Variants in CPS1 observed in about 807,000 individuals in gnomAD.
CPS1 encodes carbamoyl-phosphate synthase 1, also known as carbamoyl-phosphate synthase [ammonia], mitochondrial.
A neutral mutation model predicts 174.6 loss-of-function variants in CPS1; 109 were observed. The observed-to-expected ratio is 0.62, with a 90% confidence interval of 0.53 to 0.73. CPS1 has a LOEUF of 0.73. Among genes scored for constraint, CPS1 ranks in the 30% least tolerant of loss-of-function variants. CPS1 has a pLI of 0.00. For synonymous variants in CPS1, 637 were observed against 632.0 expected (o/e 1.01, Z -0.12); for missense variants, 1,689 against 1,821.9 (o/e 0.93, Z 1.33).
At chr2:210,588,456 A>G (rs2106104623) in intron 7 of CPS1, among the ~76,000 whole-genome samples, 1 of 152,116 alleles carries the variant, frequency 6.6e-6, no homozygotes, top group Middle Eastern at 3.4e-3. Context: ...TGTGGTATAG[A>G]GATGACCAAA....
chr2:210,566,941 G>T (rs576598726), intron 1 of CPS1, among the ~76,000 whole-genome samples: 2 of 152,098 alleles, frequency 1.3e-5, no homozygotes, highest in South Asian at 4.2e-4. Flanking sequence ...TTTGAAGTAA[G>T]ATACCTTTCC....
chr2:210,480,251 G>A (rs1349775558), intron 1 of CPS1, among the ~76,000 whole-genome samples: 5 of 152,170 alleles, frequency 3.3e-5, no homozygotes, highest in Admixed American at 3.3e-4. Context: ...GCACAGACCA[G>A]GAAGTGGGAT....
intron 33 of CPS1, among the ~76,000 whole-genome samples, chr2:210,667,774 T>C (rs1195142513): frequency 6.6e-6 from 1 of 152,168 alleles, no homozygotes; most frequent in Non-Finnish European, 1.5e-5. Flanking sequence ...ATAGTATATA[T>C]GACACATACT....
chr2:210,670,883 G>A (rs779186732), intron 34 of CPS1, among the ~76,000 whole-genome samples: 1 of 152,060 alleles, frequency 6.6e-6, no homozygotes, highest in Non-Finnish European at 1.5e-5. Context: ...CTTATAACTA[G>A]GACTTAGGAT....
chr2:210,504,737 G>C (rs1695232944), intron 1 of CPS1, among the ~76,000 whole-genome samples: 1 of 152,168 alleles, frequency 6.6e-6, no homozygotes, highest in African/African-American at 2.4e-5. Flanking sequence ...AGATTCAACA[G>C]ATGCTCCAAA....
chr2:210,665,588 T>G (rs555804787), intron 33 of CPS1, among the ~76,000 whole-genome samples: 19 of 151,820 alleles, frequency 1.3e-4, no homozygotes, highest in Admixed American at 1.2e-3. Flanking sequence ...TGGTTTTTTG[T>G]CCTTGCAATA....
chr2:210,511,261 C>T (rs991817839), intron 1 of CPS1, among the ~76,000 whole-genome samples: 22 of 152,066 alleles, frequency 1.4e-4, no homozygotes, highest in African/African-American at 4.8e-4. Context: ...AACCATCATT[C>T]TCAGCAAACC....
At chr2:210,592,840 G>T in intron 10 of CPS1, 39 bp from the exon 11 acceptor site, 1 of 1,556,010 alleles carries the variant, frequency 6.4e-7, no homozygotes, top group Non-Finnish European at 8.9e-7. Context: ...GACATTCATT[G>T]TTACAGAAGG....
intron 1 of CPS1, among the ~76,000 whole-genome samples, chr2:210,568,877 A>G: frequency 6.6e-6 from 1 of 152,288 alleles, no homozygotes; most frequent in Middle Eastern, 3.4e-3. Context: ...TATGCAGTGT[A>G]AGATGAAAAA....
At position 210,571,855 on chromosome 2, in the gene CPS1, TTGTGTGTGTGTGTGTGTGTGTGTGTGTG is replaced by T. The variant is rs71043997; in HGVS notation, c.127-1415_127-1388del. ...TGGAGTTCCTGCTGCCTACTAAAGT[TTGTGTGTGTGTGTGTGTGTGTGTGTGTG>T]TGTGTGTGTGTGTGTGTGTGTGTGT... On this transcript the variant is annotated intron_variant, in intron 1 of 37. Transcript: ENST00000233072. Among the ~76,000 whole-genome samples the T allele has an allele frequency of 9.1e-3, 1,273 of 139,576 alleles. 14 individuals carry two copies. The highest frequency in any genetic ancestry group is 0.029 in the African/African-American group (1,124 of 38,700). 91.6% of individuals were successfully genotyped at this position (139,576 alleles called of 152,430 possible). A position where few individuals can be genotyped will look rare whatever the true frequency, so the allele number is the denominator to read the frequency against.
chr2:210,676,259 A>G (rs1334675715), intron 36 of CPS1, among the ~76,000 whole-genome samples: 1 of 152,220 alleles, frequency 6.6e-6, no homozygotes, highest in African/African-American at 2.4e-5. Context: ...TACTATGATG[A>G]TGTCATCCAT....
chr2:210,514,495 T>C (rs190771059), intron 1 of CPS1, among the ~76,000 whole-genome samples: 1 of 152,052 alleles, frequency 6.6e-6, no homozygotes, highest in Non-Finnish European at 1.5e-5. Flanking sequence ...ATTATTGGTA[T>C]ATGGAAATGC....
intron 1 of CPS1, among the ~76,000 whole-genome samples, chr2:210,488,955 A>G (rs765709578): frequency 3.9e-5 from 6 of 152,214 alleles, no homozygotes; most frequent in Non-Finnish European, 5.9e-5. Context: ...ATTCATACTC[A>G]TGAATATTCT....
intron 27 of CPS1, among the ~76,000 whole-genome samples, chr2:210,649,336 G>A (rs1244981938): frequency 6.6e-6 from 1 of 152,130 alleles, no homozygotes; most frequent in African/African-American, 2.4e-5. Flanking sequence ...AAGGAAGGAT[G>A]GAAAATAAAA....
In CPS1 at chr2:210,582,752, A is replaced by C. The variant is rs756329933; in HGVS notation, c.621+43A>C. On this transcript the variant is annotated intron_variant, in intron 6 of 37. Coordinates refer to ENST00000233072, the MANE Select transcript of CPS1 (RefSeq NM_001875.5). ...ATATTTTGTAGTTTTATTTGATCCC[A>C]TTTAGACCTTCTTGAAATATCAAAA... 2.9e-6 allele frequency: 4 copies of C among 1,388,992 alleles called. No homozygotes were observed. In the African/African-American group the frequency reaches 5.7e-5, roughly 20 times the overall value. The allele number at this position is 1,388,992 out of a possible 1,614,324, so 86.0% of individuals were successfully genotyped here.
intron 1 of CPS1, among the ~76,000 whole-genome samples, chr2:210,534,580 T>G (rs1355888703): frequency 2.6e-5 from 4 of 152,216 alleles, no homozygotes; most frequent in Admixed American, 1.3e-4. Context: ...TGAAGAGGTC[T>G]CAGTGAATCT....
intron 25 of CPS1, among the ~76,000 whole-genome samples, chr2:210,644,102 T>C (rs929942873): frequency 2.0e-5 from 3 of 152,126 alleles, no homozygotes; most frequent in Non-Finnish European, 4.4e-5. Flanking sequence ...TAAAGAAAGA[T>C]GAAAAACTTC....
At chr2:210,571,855 T>TTGTGTGTGTGTG (rs71043997) in intron 1 of CPS1, among the ~76,000 whole-genome samples, 12 of 139,640 alleles carry the variant, frequency 8.6e-5, no homozygotes, top group South Asian at 2.4e-4. Context: ...CTACTAAAGT[T>TTGTGTGTGTGTG]TGTGTGTGTG....
At chr2:210,664,605 G>A (rs539814268) in intron 33 of CPS1, among the ~76,000 whole-genome samples, 2 of 152,194 alleles carry the variant, frequency 1.3e-5, no homozygotes, top group Admixed American at 6.5e-5. Flanking sequence ...ATGAGCCACC[G>A]CAGCCGGCCC....
Sources: gnomAD v4.1 joint callset for allele counts (sites outside exome capture counted in the v4.1 genomes callset) on GRCh38, gnomAD v4.1.1 for gene constraint, MANE v1.5 for transcripts, NCBI Gene and HGNC (gene_info 2026-07-23, HGNC 2026-07-21) for gene names.